The following CLUAP1 variants were observed in gnomAD, a reference collection of about 807,000 sequenced individuals.
CLUAP1 encodes clusterin-associated protein 1.
Under a neutral mutation model 55.0 loss-of-function variants are expected in CLUAP1, and 50 were observed. That is an observed-to-expected ratio of 0.91 (90% CI 0.72 to 1.15). The LOEUF is 1.15. CLUAP1 is among the 50% of genes most tolerant of loss of function. The pLI is 0.00. For missense variants in CLUAP1, 530 were observed against 507.6 expected (o/e 1.04, Z -0.42); for synonymous variants, 195 against 175.4 (o/e 1.11, Z -0.88).
chr16:3,524,618 AAAAG>A (rs1470499276), intron 8 of CLUAP1, among the ~76,000 whole-genome samples: 49 of 151,420 alleles, frequency 3.2e-4, no homozygotes, highest in East Asian at 9.7e-4. Context: ...AAAAAAAAAA[AAAAG>A]AAAGAGATTT....
chr16:3,500,622 C>T (rs182475717), upstream of CLUAP1, among the ~76,000 whole-genome samples: 353 of 152,294 alleles, frequency 2.3e-3, 5 homozygotes, highest in African/African-American at 7.7e-3. Flanking sequence ...CCGCCCGCCT[C>T]GGCATCCCAA....
At chr16:3,520,873 C>G (rs2037819916) in intron 7 of CLUAP1, among the ~76,000 whole-genome samples, 1 of 152,020 alleles carries the variant, frequency 6.6e-6, no homozygotes, top group African/African-American at 2.4e-5. Context: ...CTTCCTCGTT[C>G]TGTGCCTCTT....
intron 1 of CLUAP1, among the ~76,000 whole-genome samples, chr16:3,504,388 G>T (rs1273528925): frequency 6.6e-6 from 1 of 152,144 alleles, no homozygotes; most frequent in Admixed American, 6.5e-5. Flanking sequence ...TTTTCTTCAT[G>T]ACATTTTATA....
chr16:3,531,254 C>T (rs2038111184), intron 10 of CLUAP1, among the ~76,000 whole-genome samples: 1 of 152,200 alleles, frequency 6.6e-6, no homozygotes, highest in Admixed American at 6.5e-5. Context: ...GGCGCGGTGG[C>T]TCACGCCTGT....
intron 6 of CLUAP1, among the ~76,000 whole-genome samples, chr16:3,518,554 G>A (rs1306012003): frequency 2.0e-5 from 3 of 152,174 alleles, no homozygotes; most frequent in Admixed American, 2.0e-4. Context: ...TGTTTAAGGT[G>A]GGATAAATTT....
At chr16:3,500,301 C>G (rs971534208), upstream of CLUAP1, among the ~76,000 whole-genome samples, 1 of 152,136 alleles carries the variant, frequency 6.6e-6, no homozygotes, top group African/African-American at 2.4e-5. Flanking sequence ...CGCTCGGCAA[C>G]CAGATTCCGA....
intron 6 of CLUAP1, among the ~76,000 whole-genome samples, chr16:3,517,469 G>A (rs1176916853): frequency 2.0e-5 from 3 of 151,640 alleles, no homozygotes; most frequent in Admixed American, 2.0e-4. Flanking sequence ...ACCACGCCCA[G>A]CTAATTTTTG....
intron 1 of CLUAP1, among the ~76,000 whole-genome samples, chr16:3,504,339 T>A (rs2151040638): frequency 6.6e-6 from 1 of 152,366 alleles, no homozygotes; most frequent in South Asian, 2.1e-4. Context: ...TTTAATCAGC[T>A]GAATTTGAGT....
intron 9 of CLUAP1, among the ~76,000 whole-genome samples, chr16:3,527,782 G>A (rs960799196): frequency 1.3e-5 from 2 of 152,060 alleles, no homozygotes; most frequent in African/African-American, 4.8e-5. Flanking sequence ...AGAAATAATG[G>A]CGTAAGCTGT....
intron 11 of CLUAP1, 198 bp from the exon 12 acceptor site, chr16:3,535,924 C>G (rs1443710758): frequency 2.0e-5 from 12 of 610,702 alleles, no homozygotes; most frequent in Middle Eastern, 4.5e-4. Context: ...TTGGAGGATT[C>G]TGGTTGGATG....
At chr16:3,532,964 G>GC in intron 11 of CLUAP1, 123 bp downstream of exon 11, 1 of 1,367,422 alleles carries the variant, frequency 7.3e-7, no homozygotes, top group Non-Finnish European at 1.0e-6. Context: ...GCCGTGCCTC[G>GC]ATGCGTGGCA....
At position 3,504,304 on chromosome 16, in the gene CLUAP1, C is replaced by A. The variant is rs141433493; in HGVS notation, c.23-416C>A. ...TCCTACGGATTCCCCTCAGAAATAA[C>A]CACTGTTAACATTTTAAAACACTTT... On this transcript the variant is annotated intron_variant, in intron 1 of 11. Transcript: ENST00000576634. 2.1e-3 allele frequency among the ~76,000 whole-genome samples: 325 copies of A among 152,308 alleles called. 1 individual carries two copies. Among genetic ancestry groups the A allele is most frequent in the Non-Finnish European group, 3.8e-3 (259 of 68,036 alleles).
intron 2 of CLUAP1, among the ~76,000 whole-genome samples, chr16:3,505,621 G>A (rs1037827767): frequency 3.9e-5 from 6 of 151,968 alleles, no homozygotes; most frequent in East Asian, 1.9e-4. Flanking sequence ...CCAGGAAGTC[G>A]TGAAAGGAGA....
intron 5 of CLUAP1, among the ~76,000 whole-genome samples, chr16:3,512,934 C>T (rs1466229305): frequency 6.6e-6 from 1 of 152,162 alleles, no homozygotes; most frequent in African/African-American, 2.4e-5. Context: ...CCTGCCTTGG[C>T]CTCCCAAAGT....
intron 11 of CLUAP1, chr16:3,533,156 G>T: frequency 6.5e-7 from 1 of 1,536,008 alleles, no homozygotes; most frequent in Non-Finnish European, 8.7e-7. Context: ...CAAGAAGCAG[G>T]TTGGTTTTCT....
chr16:3,520,078 G>C (rs1439223966), intron 7 of CLUAP1, 42 bp downstream of exon 7: 3 of 1,553,892 alleles, frequency 1.9e-6, no homozygotes, highest in African/African-American at 1.4e-5. Flanking sequence ...AGATGTCCTG[G>C]AAAGTTCAAA....
intron 6 of CLUAP1, among the ~76,000 whole-genome samples, chr16:3,516,431 G>A (rs552513421): frequency 9.9e-5 from 15 of 152,268 alleles, no homozygotes; most frequent in East Asian, 5.8e-4. Flanking sequence ...GCCTCACAGC[G>A]GGAGAAGGGC....
At chr16:3,499,001 A>T (rs1018763908), upstream of CLUAP1, among the ~76,000 whole-genome samples, 1 of 152,280 alleles carries the variant, frequency 6.6e-6, no homozygotes, top group Non-Finnish European at 1.5e-5. Flanking sequence ...CTTACAATTC[A>T]AAAACAAAAG....
intron 8 of CLUAP1, among the ~76,000 whole-genome samples, chr16:3,524,465 C>T (rs926139073): frequency 1.5e-4 from 22 of 151,030 alleles, no homozygotes; most frequent in Admixed American, 7.9e-4. Flanking sequence ...GGTATGGTGG[C>T]GGGCACCTGT....
Sources: gnomAD v4.1 joint callset for allele counts (sites outside exome capture counted in the v4.1 genomes callset) on GRCh38, gnomAD v4.1.1 for gene constraint, MANE v1.5 for transcripts, NCBI Gene and HGNC (gene_info 2026-07-23, HGNC 2026-07-21) for gene names.